SNTG1: variants seen among roughly 807,000 people sequenced by gnomAD.
SNTG1 encodes the protein gamma-1-syntrophin.
A neutral mutation model predicts 74.7 loss-of-function variants in SNTG1; 39 were observed. The ratio of observed to expected loss-of-function variants is 0.52; its 90% CI spans 0.40 to 0.68. The LOEUF is 0.68. SNTG1 is among the 30% of genes least tolerant of loss of function. The pLI, the probability that SNTG1 is intolerant of heterozygous loss-of-function variation, is 0.00. For synonymous variants in SNTG1, 254 were observed against 217.1 expected (o/e 1.17, Z -1.49); for missense variants, 685 against 609.5 (o/e 1.12, Z -1.30).
intron 12 of SNTG1, among the ~76,000 whole-genome samples, chr8:50,577,487 G>C (rs1266825774): frequency 7.9e-6 from 1 of 126,934 alleles, no homozygotes; most frequent in Non-Finnish European, 1.7e-5. Flanking sequence ...TGGTGTCTTT[G>C]TGTGGCTTTG....
intron 1 of SNTG1, among the ~76,000 whole-genome samples, chr8:49,948,096 A>G (rs1040930938): frequency 6.6e-6 from 1 of 152,142 alleles, no homozygotes; most frequent in Admixed American, 6.5e-5. Flanking sequence ...TTGCCACTGC[A>G]CTCAAGCCTG....
rs766301156 is a variant in SNTG1, at chr8:50,502,834, A to G, written c.420A>G (p.Lys140=). Residue 140 remains lysine, a synonymous_variant, in exon 9 of 19, where the codon AAA becomes AAG. Coordinates refer to ENST00000642720, the MANE Select transcript of SNTG1 (RefSeq NM_018967.5). ...EEVTLTVSFL[K]RAPAFLKLPL... is the part of the protein sequence containing the mutation. ...TGACTCTAACAGTGTCATTTTTAAAAAGAGCACCTGCTTTCCTCAAACTCC... is the reference window on the plus strand; with the variant it reads ...TGACTCTAACAGTGTCATTTTTAAAGAGAGCACCTGCTTTCCTCAAACTCC... 2 of 1,613,582 alleles carry G rather than the reference A, an allele frequency of 1.2e-6. No homozygotes were observed. Among genetic ancestry groups the G allele is most frequent in the Admixed American group, 1.7e-5 (1 of 60,014 alleles).
At chr8:50,262,544 G>A (rs928815463) in intron 2 of SNTG1, among the ~76,000 whole-genome samples, 4 of 152,042 alleles carry the variant, frequency 2.6e-5, no homozygotes, top group African/African-American at 7.2e-5. Context: ...GAGTAGCTGG[G>A]ACTACAGGCA....
chr8:50,359,442 G>T (rs1234812222), intron 2 of SNTG1, among the ~76,000 whole-genome samples: 1 of 152,138 alleles, frequency 6.6e-6, no homozygotes, highest in Non-Finnish European at 1.5e-5. Context: ...TCCTGAATTT[G>T]CTGGCCTTGC....
At chr8:50,527,774 A>G (rs2130277254) in intron 9 of SNTG1, among the ~76,000 whole-genome samples, 1 of 152,130 alleles carries the variant, frequency 6.6e-6, no homozygotes, top group African/African-American at 2.4e-5. Flanking sequence ...ATGTATTGGA[A>G]TTTTGAATGG....
chr8:50,122,972 G>A (rs2081044012), intron 1 of SNTG1, among the ~76,000 whole-genome samples: 1 of 142,346 alleles, frequency 7.0e-6, no homozygotes, highest in Non-Finnish European at 1.6e-5. Context: ...AACACTCTGT[G>A]GATTCAGGGG....
At chr8:50,668,201 T>A (rs1393870291) in intron 15 of SNTG1, among the ~76,000 whole-genome samples, 1 of 152,012 alleles carries the variant, frequency 6.6e-6, no homozygotes, top group Non-Finnish European at 1.5e-5. Context: ...AACATTTTCT[T>A]GGTTTATTAA....
At chr8:50,647,882 C>T (rs570847985) in intron 13 of SNTG1, among the ~76,000 whole-genome samples, 1 of 146,490 alleles carries the variant, frequency 6.8e-6, no homozygotes, top group African/African-American at 2.6e-5. Context: ...CCTGTAATTC[C>T]CATTTTTACA....
intron 12 of SNTG1, among the ~76,000 whole-genome samples, chr8:50,583,527 C>T (rs1226649421): frequency 6.6e-6 from 1 of 152,048 alleles, no homozygotes; most frequent in African/African-American, 2.4e-5. Flanking sequence ...AGCCTCAGTT[C>T]CTTTTTGCGA....
chr8:50,097,592 C>CA (rs2079975450), intron 1 of SNTG1, among the ~76,000 whole-genome samples: 1 of 151,532 alleles, frequency 6.6e-6, no homozygotes, highest in Non-Finnish European at 1.5e-5. Flanking sequence ...GCGGAGCTTG[C>CA]AGTGAGCGGA....
intron 1 of SNTG1, among the ~76,000 whole-genome samples, chr8:50,079,280 G>A (rs919337481): frequency 8.6e-5 from 13 of 152,042 alleles, no homozygotes; most frequent in Admixed American, 4.6e-4. Context: ...ATCTCATTGC[G>A]GTCTTGATTT....
intron 2 of SNTG1, among the ~76,000 whole-genome samples, chr8:50,275,290 T>G (rs549562964): frequency 6.6e-6 from 1 of 152,316 alleles, no homozygotes; most frequent in Non-Finnish European, 1.5e-5. Flanking sequence ...TTAAAGTGAT[T>G]ACTTATATAG....
chr8:50,175,444 T>C (rs1374249343), intron 2 of SNTG1, among the ~76,000 whole-genome samples: 1 of 152,192 alleles, frequency 6.6e-6, no homozygotes, highest in Non-Finnish European at 1.5e-5. Flanking sequence ...GAAGCACTTG[T>C]GGAAGAATCA....
chr8:50,762,351 T>A (rs930485279), intron 18 of SNTG1: 1 of 167,746 alleles, frequency 6.0e-6, no homozygotes, highest in African/African-American at 2.4e-5. Flanking sequence ...GTCTTTGTTT[T>A]AAATCAGGAC....
At chr8:50,225,936 G>A (rs988492230) in intron 2 of SNTG1, among the ~76,000 whole-genome samples, 1 of 152,038 alleles carries the variant, frequency 6.6e-6, no homozygotes, top group Non-Finnish European at 1.5e-5. Context: ...AAAATATTTT[G>A]CAGTATTAAA....
intron 1 of SNTG1, among the ~76,000 whole-genome samples, chr8:50,150,310 T>G (rs2082020955): frequency 6.6e-6 from 1 of 152,164 alleles, no homozygotes; most frequent in Non-Finnish European, 1.5e-5. Context: ...CGGTGGGGTT[T>G]TCTAAATATA....
chr8:50,055,115 C>T (rs1047815850), intron 1 of SNTG1, among the ~76,000 whole-genome samples: 12 of 152,108 alleles, frequency 7.9e-5, no homozygotes, highest in Non-Finnish European at 1.5e-4. Context: ...CTTTCCCACA[C>T]TAACCTCAAC....
At chr8:50,471,324 C>T (rs907966877) in intron 8 of SNTG1, among the ~76,000 whole-genome samples, 8 of 151,872 alleles carry the variant, frequency 5.3e-5, no homozygotes, top group Non-Finnish European at 1.2e-4. Context: ...GAGCTAATAC[C>T]TTTGCGATAT....
intron 2 of SNTG1, among the ~76,000 whole-genome samples, chr8:50,248,691 A>G (rs1273252088): frequency 6.6e-6 from 1 of 152,206 alleles, no homozygotes; most frequent in South Asian, 2.1e-4. Context: ...GGTACAGAAT[A>G]CACGGCAATC....
Sources: gnomAD v4.1 joint callset for allele counts (sites outside exome capture counted in the v4.1 genomes callset) on GRCh38, gnomAD v4.1.1 for gene constraint, MANE v1.5 for transcripts, NCBI Gene and HGNC (gene_info 2026-07-23, HGNC 2026-07-21) for gene names.